The following COL7A1 variants were observed in gnomAD, a reference collection of about 807,000 sequenced individuals.
COL7A1 encodes the protein collagen alpha-1(VII) chain.
A neutral mutation model predicts 456.2 loss-of-function variants in COL7A1; 296 were observed. The ratio of observed to expected loss-of-function variants is 0.65; its 90% confidence interval spans 0.59 to 0.71. COL7A1 has a LOEUF of 0.71. COL7A1 is among the 30% of genes least tolerant of loss of function. The probability of loss-of-function intolerance (pLI) is 0.00; values close to 1 mark genes in which losing one functional copy is unlikely to be tolerated. For missense variants in COL7A1, 3,441 were observed against 4,017.2 expected (o/e 0.86, Z 3.88); for synonymous variants, 1,464 against 1,525.9 (o/e 0.96, Z 0.95).
chr3:48,592,107 C>T lies in COL7A1; in HGVS notation c.1235G>A (p.Arg412His), dbSNP rs949197699. Residue 412 changes from arginine (R) to histidine (H), a missense_variant, in exon 10 of 119, where the codon CGC (arginine) becomes CAC (histidine). Coordinates refer to ENST00000681320, the MANE Select transcript of COL7A1 (RefSeq NM_000094.4). The surrounding 1 kb of genome is among the most constrained non-coding windows in gnomAD (Gnocchi z 7.6). ...SVGPATSLMA[R>H]TDASVEQTLR... ...AAAGTGCCCAGCCTTCTCACCAGTG[C>T]GAGCCATCAGGGAAGTGGCGGGCCC... 8.1e-6 allele frequency: 13 copies of T among 1,614,062 alleles called. No individual in the cohort carries two copies. Among genetic ancestry groups the T allele is most frequent in the African/African-American group, 1.3e-5 (1 of 74,932 alleles).
chr3:48,566,678 A>G lies in COL7A1; in HGVS notation c.8286T>C (p.Pro2762=), dbSNP rs1168199528. The change falls in exon 112 of 119, where the codon CCT becomes CCC. Residue 2762 remains proline, a synonymous_variant. Transcript: ENST00000681320. This position sits in a 1 kb window ranked among gnomAD's most constrained non-coding sequence, Gnocchi z 5.9. The part of the protein sequence containing the change: ...VVGAPGVPGA[P]GERGEQGRPG... ...TACTCACCTGCTCCCCTCTCTCGCC[A>G]GGAGCTCCAGGGACCCCAGGAGCCC... 2 of 1,612,816 alleles carry G rather than the reference A, an allele frequency of 1.2e-6. No individual in the cohort carries two copies. The highest frequency in any genetic ancestry group is 2.2e-5 in the South Asian group (2 of 91,002).
chr3:48,573,539 C>T lies in COL7A1; in HGVS notation c.6592G>A (p.Gly2198Arg). The change falls in exon 83 of 119, where the codon GGA (glycine) becomes AGA (arginine). Residue 2198 changes from glycine to arginine, a missense_variant. Gly to Arg is a moderately radical substitution (Grantham distance 125). This residue lies in a region of COL7A1 where 2,084 missense variants were observed against 2,501.3 expected (regional missense o/e 0.83). Coordinates refer to ENST00000681320, the MANE Select transcript of COL7A1 (RefSeq NM_000094.4). This position sits in a 1 kb window ranked among gnomAD's most constrained non-coding sequence, Gnocchi z 5.5. ...TTCAGGCCAGAAGGTCCTTGGGGTCCTGCAGGGCCAGCAAGACCCTAGAGA... is the reference window on the plus strand; with the variant it reads ...TTCAGGCCAGAAGGTCCTTGGGGTCTTGCAGGGCCAGCAAGACCCTAGAGA... ...PGAPGLAGPA[G>R]PQGPSGLKGE... is the part of the protein sequence containing the mutation. The T allele has an allele frequency of 6.2e-7, 1 of 1,614,120 alleles. No individual in the cohort carries two copies. The highest frequency in any genetic ancestry group is 8.5e-7 in the Non-Finnish European group (1 of 1,180,014).
rs368606397 is a variant in COL7A1 at position 48,572,994 on chromosome 3, G to A, written c.6750+27C>T. 4 of 1,613,896 alleles carry A rather than the reference G, an allele frequency of 2.5e-6. No homozygotes were observed. In the African/African-American group the frequency reaches 5.3e-5, roughly 22 times the overall value. On this transcript the variant is annotated intron_variant, in intron 86 of 118. Coordinates refer to ENST00000681320, the MANE Select transcript of COL7A1 (RefSeq NM_000094.4). This position sits in a 1 kb window ranked among gnomAD's most constrained non-coding sequence, Gnocchi z 4.6. ...TGCCTGTCGACCCTTGACCCCTGGAGCCCAACCCTTGACCCCCAGAACTCA... is the reference window on the plus strand; with the variant it reads ...TGCCTGTCGACCCTTGACCCCTGGAACCCAACCCTTGACCCCCAGAACTCA...
chr3:48,568,321 T>G lies in COL7A1; in HGVS notation c.7795-151A>C. 1 of 1,076,308 alleles carries G rather than the reference T, an allele frequency of 9.3e-7. No homozygotes were observed. Among genetic ancestry groups the G allele is most frequent in the Non-Finnish European group, 1.4e-6 (1 of 714,428 alleles). 66.7% of individuals were successfully genotyped at this position (1,076,308 alleles called of 1,614,324 possible). A position where few individuals can be genotyped will look rare whatever the true frequency, so the allele number is the denominator to read the frequency against. ...CTTGCCATGGGGACAAGGGTCACCA[T>G]AGGCAGGGGACACCATCATAGGCGG... On this transcript the variant is annotated intron_variant, in intron 105 of 118. Coordinates refer to ENST00000681320, the MANE Select transcript of COL7A1 (RefSeq NM_000094.4). The surrounding 1 kb of genome is among the most constrained non-coding windows in gnomAD (Gnocchi z 5.2).
chr3:48,585,634 CAGTT>C lies in COL7A1; in HGVS notation c.3832-19_3832-16del. ...CCGGTCCTGCCCTGAAAGAAGATAG[CAGTT>C]AGGTGGGGATAAGCCAGTCAGGGTG... On this transcript the variant is annotated splice_polypyrimidine_tract_variant and intron_variant, in intron 31 of 118. Coordinates refer to ENST00000681320, the MANE Select transcript of COL7A1 (RefSeq NM_000094.4). This position sits in a 1 kb window ranked among gnomAD's most constrained non-coding sequence, Gnocchi z 4.5. 1 of 1,614,006 alleles carries C rather than the reference CAGTT, an allele frequency of 6.2e-7. No individual in the cohort carries two copies. Among genetic ancestry groups the C allele is most frequent in the Non-Finnish European group, 8.5e-7 (1 of 1,180,018 alleles).
In COL7A1 at chr3:48,581,508, G is replaced by T. The variant is rs2044755720; in HGVS notation, c.4783-25C>A. ...CCTGAAGGGGACAGAAGGGGGGCAGGACTTAGTCAGGGTCCCACCACCTCA... is the reference window on the plus strand; with the variant it reads ...CCTGAAGGGGACAGAAGGGGGGCAGTACTTAGTCAGGGTCCCACCACCTCA... On this transcript the variant is annotated intron_variant, in intron 50 of 118. Transcript: ENST00000681320. The surrounding 1 kb of genome is among the most constrained non-coding windows in gnomAD (Gnocchi z 5.8). The T allele has an allele frequency of 6.2e-7, 1 of 1,614,070 alleles. No individual in the cohort carries two copies. The highest frequency in any genetic ancestry group is 8.5e-7 in the Non-Finnish European group (1 of 1,179,994).
chr3:48,572,603 T>C lies in COL7A1; in HGVS notation c.6901-65A>G. On this transcript the variant is annotated intron_variant, in intron 88 of 118. Coordinates refer to ENST00000681320, the MANE Select transcript of COL7A1 (RefSeq NM_000094.4). The surrounding 1 kb of genome is among the most constrained non-coding windows in gnomAD (Gnocchi z 4.6). ...CCCCACCCTGCCACCCCCATGGCAT[T>C]TGGAAACAGGCTTGTGGGTGAGGCA... is the stretch of plus-strand genomic sequence containing the variant. 1 of 1,590,914 alleles carries C rather than the reference T, an allele frequency of 6.3e-7. No individual in the cohort carries two copies. The highest frequency in any genetic ancestry group is 2.3e-5 in the East Asian group (1 of 43,272).
At position 48,569,980 on chromosome 3, in the gene COL7A1, G is replaced by A; in HGVS notation, c.7486-65C>T. On this transcript the variant is annotated intron_variant, in intron 99 of 118. Transcript: ENST00000681320. This position sits in a 1 kb window ranked among gnomAD's most constrained non-coding sequence, Gnocchi z 4.9. ...GCAGTGGAGGACGGAGGAGGATCAG[G>A]GGGAGGAGGGAAACAGTGGGGACCA... is the stretch of plus-strand genomic sequence containing the variant. 1 of 1,609,636 alleles carries A rather than the reference G, an allele frequency of 6.2e-7. No homozygotes were observed. Among genetic ancestry groups the A allele is most frequent in the South Asian group, 1.1e-5 (1 of 90,764 alleles).
chr3:48,565,739 G>C lies in COL7A1; in HGVS notation c.8408-71C>G. 1 of 1,439,758 alleles carries C rather than the reference G, an allele frequency of 6.9e-7. No homozygotes were observed. 89.2% of individuals were successfully genotyped at this position (1,439,758 alleles called of 1,614,324 possible). A position where few individuals can be genotyped will look rare whatever the true frequency, so the allele number is the denominator to read the frequency against. On this transcript the variant is annotated intron_variant, in intron 114 of 118. Transcript: ENST00000681320. The surrounding 1 kb of genome is among the most constrained non-coding windows in gnomAD (Gnocchi z 4.5). ...ATGGGAAGATGGAGAGACAGACAGAGACACACAGGCAGAGGGGTAGAGATA... is the reference window on the plus strand; with the variant it reads ...ATGGGAAGATGGAGAGACAGACAGACACACACAGGCAGAGGGGTAGAGATA...
Position 48,585,155 on chromosome 3 carries a change from C to T in COL7A1, c.3895-39G>A, listed in dbSNP as rs1411965646. ...GAGGTCAGGACAGGAAGGGACCCTCCCCCAAGGCCCCTGGTTTGCTGGAGG... is the reference window on the plus strand; with the variant it reads ...GAGGTCAGGACAGGAAGGGACCCTCTCCCAAGGCCCCTGGTTTGCTGGAGG... On this transcript the variant is annotated intron_variant, in intron 32 of 118. Transcript: ENST00000681320. The surrounding 1 kb of genome is among the most constrained non-coding windows in gnomAD (Gnocchi z 4.5). 7.5e-6 allele frequency: 12 copies of T among 1,598,396 alleles called. No individual in the cohort carries two copies. The highest frequency in any genetic ancestry group is 1.0e-5 in the Non-Finnish European group (12 of 1,172,064).
At position 48,580,961 on chromosome 3, in the gene COL7A1, C is replaced by A. The variant is rs780689097; in HGVS notation, c.4936-35G>T. 2 of 1,613,372 alleles carry A rather than the reference C, an allele frequency of 1.2e-6. No homozygotes were observed. The highest frequency in any genetic ancestry group is 1.3e-5 in the African/African-American group (1 of 75,020). ...GAGAGAAAAGTCATACTGCACAGGG[C>A]AGTCAGGATCTAACTCACTCAGGGA... On this transcript the variant is annotated intron_variant, in intron 53 of 118. Transcript: ENST00000681320. This position sits in a 1 kb window ranked among gnomAD's most constrained non-coding sequence, Gnocchi z 4.5.
Position 48,564,979 on chromosome 3 carries a change from G to A in COL7A1, c.8622C>T (p.Asp2874=). 6.2e-7 allele frequency: 1 copy of A among 1,614,180 alleles called. No homozygotes were observed. The highest frequency in any genetic ancestry group is 8.5e-7 in the Non-Finnish European group (1 of 1,180,008). The part of the protein sequence containing the change: ...QDPEAPWDSD[D]PCSLPLDEGS... ...CCTCATCCAGTGGCAGGGAACAGGG[G>A]TCTGGGCCAATGGGGTCAAGTCAGC... Residue 2874 remains aspartate, a splice_region_variant and synonymous_variant, in exon 118 of 119, where the codon GAC becomes GAT. Coordinates refer to ENST00000681320, the MANE Select transcript of COL7A1 (RefSeq NM_000094.4). The surrounding 1 kb of genome is among the most constrained non-coding windows in gnomAD (Gnocchi z 6.0).
rs1308977458 is a variant in COL7A1, at chr3:48,581,299, C to T, written c.4860G>A (p.Arg1620=). ...GGCCAACAGGTCCTGGGGGGCCAGG[C>T]CGCCCAGGGTCTCCCTTCTCTCCAG... The part of the protein sequence containing the change: ...GPPGEKGDPG[R]PGPPGPVGPR... The change falls in exon 52 of 119, where the codon CGG becomes CGA. Residue 1620 remains arginine, a synonymous_variant. Transcript: ENST00000681320. The surrounding 1 kb of genome is among the most constrained non-coding windows in gnomAD (Gnocchi z 5.8). The T allele has an allele frequency of 6.2e-7, 1 of 1,613,508 alleles. No individual in the cohort carries two copies. Among genetic ancestry groups the T allele is most frequent in the South Asian group, 1.1e-5 (1 of 91,076 alleles).
Position 48,570,914 on chromosome 3 carries a change from C to T in COL7A1, c.7219G>A (p.Gly2407Ser), listed in dbSNP as rs774332349. 1.2e-6 allele frequency: 2 copies of T among 1,613,620 alleles called. No individual in the cohort carries two copies. The highest frequency in any genetic ancestry group is 2.7e-5 in the African/African-American group (2 of 74,922). ...ATCTCTCCTCGAGGGCCTGTCTGACCCGGGAACCCAACAACACCAGGAGCA... is the reference window on the plus strand; with the variant it reads ...ATCTCTCCTCGAGGGCCTGTCTGACTCGGGAACCCAACAACACCAGGAGCA... Reference protein sequence around the residue: ...PGAPGVVGFPGQTGPRGEMGQ... With the variant: ...PGAPGVVGFPSQTGPRGEMGQ... The change falls in exon 95 of 119, where the codon GGT becomes AGT. Residue 2407 changes from glycine (G) to serine (S), a missense_variant. Gly to Ser is a moderately conservative substitution (Grantham distance 56, BLOSUM62 0). Around this residue, in one of 3 missense-constraint regions of COL7A1, gnomAD observed 2,084 missense variants for 2,501.3 expected, o/e 0.83. Coordinates refer to ENST00000681320, the MANE Select transcript of COL7A1 (RefSeq NM_000094.4). The surrounding 1 kb of genome is among the most constrained non-coding windows in gnomAD (Gnocchi z 5.5).
rs1430551235 is a variant in COL7A1, at chr3:48,590,115, CAGG to C, written c.2050+95_2050+97del. The C allele has an allele frequency of 7.4e-7, 1 of 1,359,148 alleles. No homozygotes were observed. The highest frequency in any genetic ancestry group is 1.0e-6 in the Non-Finnish European group (1 of 983,422). 84.2% of individuals were successfully genotyped at this position (1,359,148 alleles called of 1,614,324 possible). On this transcript the variant is annotated intron_variant, in intron 16 of 118. Coordinates refer to ENST00000681320, the MANE Select transcript of COL7A1 (RefSeq NM_000094.4). This position sits in a 1 kb window ranked among gnomAD's most constrained non-coding sequence, Gnocchi z 4.6. Reference sequence around the variant, plus strand: ...GGGAGTGGGATTCTGAAGGGGGAGGCAGGAGTTCTGGGGAGAAGCAAGGGTCTG... The same window carrying C: ...GGGAGTGGGATTCTGAAGGGGGAGGCAGTTCTGGGGAGAAGCAAGGGTCTG...
At position 48,574,644 on chromosome 3, in the gene COL7A1, G is replaced by A. The variant is rs551255529; in HGVS notation, c.6393+33C>T. ...CTCTAGTGTGCCCCCAGAAAGGAGG[G>A]GGACTCTATGGAAGGGTGGAGAGAG... On this transcript the variant is annotated intron_variant, in intron 78 of 118. Coordinates refer to ENST00000681320, the MANE Select transcript of COL7A1 (RefSeq NM_000094.4). This position sits in a 1 kb window ranked among gnomAD's most constrained non-coding sequence, Gnocchi z 5.0. 7 of 1,613,918 alleles carry A rather than the reference G, an allele frequency of 4.3e-6. No homozygotes were observed. Among genetic ancestry groups the A allele is most frequent in the Middle Eastern group, 1.6e-4 (1 of 6,062 alleles).
In COL7A1 at chr3:48,590,807, C is replaced by T. The variant is rs375923118; in HGVS notation, c.1646G>A (p.Arg549Gln). ...IIVRSTQGVE[R>Q]TLVLPGSQTA... ...CTGACTCCCAGGAAGCACCAGGGTC[C>T]GCTCAACCCCTAAGAGAGAAGTCAG... Residue 549 changes from arginine to glutamine, a missense_variant, in exon 14 of 119, where the codon CGG (arginine) becomes CAG (glutamine). Arg to Gln is a conservative substitution (Grantham distance 43, BLOSUM62 1). Around this residue, in one of 3 missense-constraint regions of COL7A1, gnomAD observed 913 missense variants for 1,088.2 expected, o/e 0.84. Transcript: ENST00000681320. This position sits in a 1 kb window ranked among gnomAD's most constrained non-coding sequence, Gnocchi z 4.6. 19 of 1,613,432 alleles carry T rather than the reference C, an allele frequency of 1.2e-5. No homozygotes were observed. Among genetic ancestry groups the T allele is most frequent in the Admixed American group, 3.3e-5 (2 of 60,008 alleles).
chr3:48,588,140 G>C lies in COL7A1; in HGVS notation c.2710+142C>G. On this transcript the variant is annotated intron_variant, in intron 21 of 118. Coordinates refer to ENST00000681320, the MANE Select transcript of COL7A1 (RefSeq NM_000094.4). This position sits in a 1 kb window ranked among gnomAD's most constrained non-coding sequence, Gnocchi z 4.6. ...ACTCATTGATCCCACCCACTTCATT[G>C]ATTGATCTTACCTACTGTCACGGAT... 7.1e-7 allele frequency: 1 copy of C among 1,400,010 alleles called. No individual in the cohort carries two copies. The highest frequency in any genetic ancestry group is 1.2e-5 in the South Asian group (1 of 80,512). 86.7% of individuals were successfully genotyped at this position (1,400,010 alleles called of 1,614,324 possible). A position where few individuals can be genotyped will look rare whatever the true frequency, so the allele number is the denominator to read the frequency against.
rs1275848423 is a variant in COL7A1, at chr3:48,566,569, T to C, written c.8305-6A>G. The C allele has an allele frequency of 6.2e-7, 1 of 1,613,982 alleles. No homozygotes were observed. The highest frequency in any genetic ancestry group is 1.3e-5 in the African/African-American group (1 of 74,900). ...CCGGCAGGCCCTGGCCGCCCCTATG[T>C]GCAACAGATGGGACCAGGCTGTGAC... is the stretch of plus-strand genomic sequence containing the variant. On this transcript the variant is annotated splice_polypyrimidine_tract_variant and splice_region_variant and intron_variant, in intron 112 of 118. Coordinates refer to ENST00000681320, the MANE Select transcript of COL7A1 (RefSeq NM_000094.4). The surrounding 1 kb of genome is among the most constrained non-coding windows in gnomAD (Gnocchi z 5.9).
Sources: allele counts gnomAD v4.1 joint callset, GRCh38; gene constraint gnomAD v4.1.1; regional missense constraint gnomAD v4.1.1; non-coding constraint Gnocchi (gnomAD v3.1); transcripts MANE v1.5; gene names NCBI Gene and HGNC (gene_info 2026-07-23, HGNC 2026-07-21).